The following SOX5 variants were observed in gnomAD, a reference collection of about 807,000 sequenced individuals.
The protein encoded by SOX5 is SRY-box transcription factor 5, also known as transcription factor SOX-5.
Under a neutral mutation model 92.0 loss-of-function variants are expected in SOX5, and 9 were observed. That is an observed-to-expected ratio of 0.10 (90% CI 0.06 to 0.17). The LOEUF is 0.17. Ranked by LOEUF, SOX5 falls within the 10% of genes least tolerant of loss-of-function variation. The pLI, the probability that SOX5 is intolerant of heterozygous loss-of-function variation, is 1.00. For synonymous variants in SOX5, 344 were observed against 336.3 expected, an observed-to-expected ratio of 1.02 and a Z score of -0.25; for missense variants, 642 against 944.5, an observed-to-expected ratio of 0.68 and a Z score of 4.20.
chr12:24,087,090 T>C (rs1165090877), intron 4 of SOX5, among the ~76,000 whole-genome samples: 1 of 152,052 alleles, frequency 6.6e-6, no homozygotes, highest in Non-Finnish European at 1.5e-5. Context: ...TGCATATGTT[T>C]CTACATGTTG....
intron 4 of SOX5, among the ~76,000 whole-genome samples, chr12:23,958,585 T>C (rs1262562855): frequency 3.3e-5 from 5 of 151,908 alleles, no homozygotes; most frequent in East Asian, 1.9e-4. Flanking sequence ...GAAAAACAAT[T>C]TGAACCAAAG....
chr12:24,257,473 TTTTG>T (rs746496703), intron 3 of SOX5, among the ~76,000 whole-genome samples: 12 of 73,610 alleles, frequency 1.6e-4, no homozygotes, highest in Non-Finnish European at 2.8e-4. Flanking sequence ...GTTTGTTTTG[TTTTG>T]TTTTTTTCTG....
In SOX5 at chr12:24,045,422, C is replaced by T. The variant is rs1956898450; in HGVS notation, c.-1-149398G>A. Among the ~76,000 whole-genome samples, 7 of 152,216 alleles carry T rather than the reference C, an allele frequency of 4.6e-5. No homozygotes were observed. The South Asian group carries it at 1.0e-3, about 23-fold the overall frequency. The stretch of plus-strand genomic sequence containing the variant: ...CAAGAAACCCTCCCACTCAGCCTCC[C>T]GAGTAGCTGGGACTACAGGTGTGTG... On this transcript the variant is annotated intron_variant, in intron 4 of 4. Coordinates refer to the SOX5 transcript ENST00000446891.
chr12:23,854,625 C>A (rs563612656), intron 2 of SOX5, among the ~76,000 whole-genome samples: 2 of 152,150 alleles, frequency 1.3e-5, no homozygotes, highest in African/African-American at 4.8e-5. Flanking sequence ...ACTCTATTTT[C>A]TCTTTCATTT....
chr12:24,470,230 A>G (rs183578465), intron 1 of SOX5, among the ~76,000 whole-genome samples: 1 of 152,258 alleles, frequency 6.6e-6, no homozygotes, highest in Non-Finnish European at 1.5e-5. Context: ...CCAATTACCC[A>G]CATCTATATT....
intron 4 of SOX5, among the ~76,000 whole-genome samples, chr12:24,082,473 G>T (rs1019814528): frequency 1.0e-4 from 8 of 76,760 alleles, no homozygotes; most frequent in Admixed American, 9.0e-4. Context: ...AAACAAGAAA[G>T]AACACATATT....
chr12:24,553,804 C>G (rs1316942490), intron 1 of SOX5, among the ~76,000 whole-genome samples: 1 of 152,164 alleles, frequency 6.6e-6, no homozygotes, highest in Non-Finnish European at 1.5e-5. Flanking sequence ...TGGGTGGCCC[C>G]AGGAAGTCTC....
chr12:23,687,562 A>G (rs12580229), intron 6 of SOX5, among the ~76,000 whole-genome samples: 9,192 of 152,070 alleles, frequency 0.06, 383 homozygotes, highest in South Asian at 0.22. Flanking sequence ...AAACCCTTAA[A>G]TAATAAATCT....
intron 4 of SOX5, among the ~76,000 whole-genome samples, chr12:23,755,050 A>G (rs988280248): frequency 6.6e-6 from 1 of 151,798 alleles, no homozygotes; most frequent in Non-Finnish European, 1.5e-5. Context: ...ATTTGCTTTT[A>G]TCTTATATGA....
At chr12:23,612,057 A>G (rs924258647) in intron 8 of SOX5, among the ~76,000 whole-genome samples, 3 of 152,106 alleles carry the variant, frequency 2.0e-5, no homozygotes. Context: ...GAGTGATAAG[A>G]GCATGCATAC....
intron 1 of SOX5, among the ~76,000 whole-genome samples, chr12:24,548,449 G>A (rs933810165): frequency 9.2e-5 from 14 of 152,312 alleles, no homozygotes; most frequent in African/African-American, 1.4e-4. Context: ...AGGGAGAAGC[G>A]TTGTACAAAA....
chr12:23,733,849 A>T (rs1485771468), intron 6 of SOX5, among the ~76,000 whole-genome samples: 1 of 152,194 alleles, frequency 6.6e-6, no homozygotes, highest in East Asian at 1.9e-4. Context: ...CAGATGGATG[A>T]TGTCACATGG....
At chr12:23,953,561 A>C (rs1417628589), upstream of SOX5, among the ~76,000 whole-genome samples, 3 of 152,068 alleles carry the variant, frequency 2.0e-5, no homozygotes, top group Non-Finnish European at 4.4e-5. Context: ...CTTTAATAAA[A>C]GAATTTTAAA....
chr12:24,437,045 A>G (rs898469835), intron 1 of SOX5, among the ~76,000 whole-genome samples: 13 of 152,322 alleles, frequency 8.5e-5, no homozygotes, highest in Admixed American at 2.6e-4. Flanking sequence ...TCAAAATATT[A>G]CTGCTCATTA....
chr12:23,887,908 A>AGTGT (rs1169542903), intron 2 of SOX5, among the ~76,000 whole-genome samples: 227 of 105,944 alleles, frequency 2.1e-3, no homozygotes, highest in African/African-American at 6.2e-3. Context: ...TAATTGGTCC[A>AGTGT]GTGTGTATAT....
chr12:23,762,984 C>G (rs1460130345), intron 3 of SOX5, among the ~76,000 whole-genome samples: 1 of 152,148 alleles, frequency 6.6e-6, no homozygotes, highest in Non-Finnish European at 1.5e-5. Context: ...GACTACAACT[C>G]TTTGTTTTGT....
intron 1 of SOX5, among the ~76,000 whole-genome samples, chr12:23,903,101 C>A (rs899583716): frequency 4.6e-5 from 7 of 152,080 alleles, no homozygotes; most frequent in African/African-American, 1.7e-4. Flanking sequence ...AGTGGAAAAA[C>A]ATTTAGTGAA....
chr12:24,095,763 A>T (rs1945333131), intron 4 of SOX5, among the ~76,000 whole-genome samples: 2 of 152,026 alleles, frequency 1.3e-5, no homozygotes, highest in African/African-American at 4.8e-5. Context: ...TGTGATAGTG[A>T]GTGAGTTGTC....
intron 2 of SOX5, among the ~76,000 whole-genome samples, chr12:24,367,148 T>A (rs1435121216): frequency 6.6e-6 from 1 of 152,132 alleles, no homozygotes; most frequent in Admixed American, 6.5e-5. Context: ...GACATAATTA[T>A]GGGGCCCCTA....
Sources: gnomAD v4.1 joint callset for allele counts (sites outside exome capture counted in the v4.1 genomes callset) on GRCh38, gnomAD v4.1.1 for gene constraint, MANE v1.5 for transcripts, NCBI Gene and HGNC (gene_info 2026-07-23, HGNC 2026-07-21) for gene names.